VPS4B: variants seen among roughly 807,000 people sequenced by gnomAD.
VPS4B encodes the protein vacuolar protein sorting-associated protein 4B.
In VPS4B, 23 loss-of-function variants were observed where a neutral mutation model predicts 56.1. The ratio of observed to expected loss-of-function variants is 0.41; its 90% CI spans 0.30 to 0.58. The LOEUF (loss-of-function observed/expected upper bound fraction) is 0.58, where lower values mean the gene tolerates loss of function less well. Ranked by LOEUF, VPS4B falls within the 20% of genes least tolerant of loss-of-function variation. VPS4B has a pLI of 0.29. For synonymous variants in VPS4B, 177 were observed against 186.0 expected (o/e 0.95, Z 0.39); for missense variants, 372 against 531.9 (o/e 0.70, Z 2.96).
Position 63,396,959 on chromosome 18 carries a change from C to T in VPS4B, c.1092+75G>A, listed in dbSNP as rs868432439. On this transcript the variant is annotated intron_variant, in intron 9 of 10. Transcript: ENST00000238497. ...AAGCCCAGATAGTGCCACTGCACTC[C>T]AGCCTGGGCAACAGAGTGAGACTGT... is the stretch of plus-strand genomic sequence containing the variant. The T allele has an allele frequency of 6.8e-6, 10 of 1,465,330 alleles. No homozygotes were observed. In the African/African-American group the frequency reaches 1.0e-4, roughly 15 times the overall value. The allele number at this position is 1,465,330 out of a possible 1,614,324, so 90.8% of individuals were successfully genotyped here.
Position 63,400,031 on chromosome 18 carries a change from A to T in VPS4B, c.790+17T>A. The T allele has an allele frequency of 6.3e-7, 1 of 1,591,040 alleles. No homozygotes were observed. Among genetic ancestry groups the T allele is most frequent in the South Asian group, 1.2e-5 (1 of 86,588 alleles). ...GAGACTCCGTCTCAAAAAGAAAAAA[A>T]AAATTAGTAACACTACCTTGCATTT... On this transcript the variant is annotated intron_variant, in intron 7 of 10. Transcript: ENST00000238497.
At chr18:63,421,838 G>A (rs181027342) in intron 1 of VPS4B, among the ~76,000 whole-genome samples, 3 of 152,312 alleles carry the variant, frequency 2.0e-5, no homozygotes, top group Non-Finnish European at 4.4e-5. Flanking sequence ...GAATGAAGGG[G>A]TCTGCTGTCA....
chr18:63,406,451 T>C, intron 4 of VPS4B, among the ~76,000 whole-genome samples: 1 of 152,226 alleles, frequency 6.6e-6, no homozygotes, highest in African/African-American at 2.4e-5. Context: ...TTTTCACTAT[T>C]CAGTAACCAA....
intron 4 of VPS4B, among the ~76,000 whole-genome samples, chr18:63,405,853 G>T (rs1333792556): frequency 6.6e-6 from 1 of 151,874 alleles, no homozygotes. Flanking sequence ...GGGCATGGTG[G>T]TGTGTGCCTG....
At chr18:63,411,337 TG>T in intron 2 of VPS4B, 129 bp downstream of exon 2, 1 of 602,108 alleles carries the variant, frequency 1.7e-6, no homozygotes, top group Non-Finnish European at 2.5e-6. Context: ...AGAAAGAAAG[TG>T]GAGTATTTTT....
In VPS4B at chr18:63,389,901, C is replaced by T. The variant is rs187799276; in HGVS notation, c.*1074G>A. ...ACAGTTAAAAATTACACACCTACCA[C>T]CTGTTTTGGTCAATCTTGCTAAAAA... is the stretch of plus-strand genomic sequence containing the variant. On this transcript the variant is annotated 3_prime_UTR_variant, in exon 11 of 11. Transcript: ENST00000238497. The T allele has an allele frequency of 6.5e-6, 1 of 152,714 alleles. No individual in the cohort carries two copies. The highest frequency in any genetic ancestry group is 1.5e-5 in the Non-Finnish European group (1 of 68,018). The allele number at this position is 152,714 out of a possible 1,614,324, so 9.5% of individuals were successfully genotyped here.
intron 10 of VPS4B, among the ~76,000 whole-genome samples, chr18:63,392,694 C>T (rs549839210): frequency 2.6e-5 from 4 of 151,288 alleles, no homozygotes; most frequent in East Asian, 2.0e-4. Flanking sequence ...ATGATCCACC[C>T]GCCTCGGCCT....
At chr18:63,395,167 C>T (rs942904546) in intron 9 of VPS4B, among the ~76,000 whole-genome samples, 5 of 152,152 alleles carry the variant, frequency 3.3e-5, no homozygotes, top group Non-Finnish European at 7.3e-5. Context: ...CTGGCTTCAG[C>T]GTCATGTGAG....
intron 5 of VPS4B, among the ~76,000 whole-genome samples, chr18:63,402,017 A>G (rs1043356574): frequency 6.6e-6 from 1 of 152,100 alleles, no homozygotes; most frequent in Non-Finnish European, 1.5e-5. Context: ...AAACAAAACA[A>G]AACAAAAAAA....
At chr18:63,418,299 T>G (rs937582209) in intron 1 of VPS4B, among the ~76,000 whole-genome samples, 2 of 152,212 alleles carry the variant, frequency 1.3e-5, no homozygotes, top group African/African-American at 4.8e-5. Flanking sequence ...TGCCTCCTGA[T>G]AGCCAAATCA....
chr18:63,410,932 G>T (rs1019704875), intron 2 of VPS4B, among the ~76,000 whole-genome samples: 3 of 152,062 alleles, frequency 2.0e-5, no homozygotes, highest in Admixed American at 6.5e-5. Context: ...CTACACAAAG[G>T]CCTCTGTCAG....
intron 10 of VPS4B, among the ~76,000 whole-genome samples, chr18:63,392,908 G>C (rs1004642445): frequency 6.6e-6 from 1 of 151,956 alleles, no homozygotes; most frequent in African/African-American, 2.4e-5. Flanking sequence ...ACACTGCCTG[G>C]CTAATTTTTG....
chr18:63,405,570 T>C (rs1162376453), intron 4 of VPS4B, among the ~76,000 whole-genome samples: 7 of 152,186 alleles, frequency 4.6e-5, no homozygotes. Context: ...TTAAATGTTT[T>C]AAGTATTTGG....
chr18:63,420,714 T>A (rs1916277902), intron 1 of VPS4B, among the ~76,000 whole-genome samples: 2 of 152,148 alleles, frequency 1.3e-5, no homozygotes, highest in Admixed American at 1.3e-4. Context: ...CAAGTGAAGA[T>A]TGCTGAATCT....
chr18:63,398,537 T>TA (rs879809693), intron 8 of VPS4B, among the ~76,000 whole-genome samples: 142 of 138,990 alleles, frequency 1.0e-3, no homozygotes, highest in East Asian at 2.4e-3. Context: ...TAGTTTTTAC[T>TA]AAAAAAAAAA....
intron 9 of VPS4B, chr18:63,396,605 A>G (rs533861426): frequency 1.2e-5 from 2 of 166,040 alleles, no homozygotes; most frequent in South Asian, 3.1e-4. Context: ...ACACAGAAAT[A>G]TGTCTATTAT....
intron 5 of VPS4B, among the ~76,000 whole-genome samples, chr18:63,402,072 GAA>G (rs1915824793): frequency 1.3e-5 from 2 of 152,232 alleles, no homozygotes; most frequent in South Asian, 2.1e-4. Flanking sequence ...ATCTGCAAAA[GAA>G]TGATATGCAG....
At chr18:63,400,226 T>TA (rs763770774) in intron 6 of VPS4B, 30 bp from the exon 7 acceptor site, 3 of 1,560,240 alleles carry the variant, frequency 1.9e-6, no homozygotes, top group South Asian at 1.2e-5. Flanking sequence ...TTTAAGTCTC[T>TA]AAAAAATAGT....
At chr18:63,421,368 C>G (rs980751472) in intron 1 of VPS4B, among the ~76,000 whole-genome samples, 14 of 152,156 alleles carry the variant, frequency 9.2e-5, no homozygotes, top group Admixed American at 8.5e-4. Flanking sequence ...CCAATAACTG[C>G]TTGTTCAACA....
Sources: gnomAD v4.1 joint callset for allele counts (sites outside exome capture counted in the v4.1 genomes callset) on GRCh38, gnomAD v4.1.1 for gene constraint, MANE v1.5 for transcripts, NCBI Gene and HGNC (gene_info 2026-07-23, HGNC 2026-07-21) for gene names.